Variants in SYT2 observed in about 807,000 individuals in gnomAD.
SYT2 encodes the protein synaptotagmin 2, also known as synaptotagmin-2.
A neutral mutation model predicts 39.9 loss-of-function variants in SYT2; 15 were observed. The observed-to-expected ratio is 0.38, with a 90% CI of 0.25 to 0.58. The LOEUF (loss-of-function observed/expected upper bound fraction) is 0.58, where lower values mean the gene tolerates loss of function less well. SYT2 is among the 20% of genes least tolerant of loss of function. SYT2 has a pLI of 0.70. For synonymous variants in SYT2, 181 were observed against 204.5 expected, an observed-to-expected ratio of 0.89 and a Z score of 0.98; for missense variants, 389 against 530.3, an observed-to-expected ratio of 0.73 and a Z score of 2.62.
intron 1 of SYT2, among the ~76,000 whole-genome samples, chr1:202,616,651 C>G (rs906147416): frequency 1.1e-4 from 16 of 152,230 alleles, no homozygotes; most frequent in African/African-American, 3.4e-4. Context: ...CACAAGGTCA[C>G]TAAACCCAGG....
At chr1:202,662,769 G>A (rs1363932564) in intron 1 of SYT2, among the ~76,000 whole-genome samples, 2 of 152,170 alleles carry the variant, frequency 1.3e-5, no homozygotes, top group African/African-American at 2.4e-5. Flanking sequence ...GGCAAGTCAG[G>A]TAACCTCTCT....
intron 1 of SYT2, chr1:202,639,813 G>A (rs1389539992): frequency 1.0e-6 from 1 of 985,348 alleles, no homozygotes; most frequent in Non-Finnish European, 1.2e-6. Flanking sequence ...AGCAAGAGGA[G>A]GACACAGGAC....
intron 1 of SYT2, among the ~76,000 whole-genome samples, chr1:202,661,906 G>T (rs753612258): frequency 6.6e-6 from 1 of 152,198 alleles, no homozygotes; most frequent in Non-Finnish European, 1.5e-5. Flanking sequence ...TCACTTGTCA[G>T]ACACTTTGAG....
chr1:202,603,001 G>T lies in SYT2; in HGVS notation c.463C>A (p.Gln155Lys). 6.2e-7 allele frequency: 1 copy of T among 1,611,532 alleles called. No individual in the cohort carries two copies. The highest frequency in any genetic ancestry group is 2.2e-5 in the East Asian group (1 of 44,744). The stretch of plus-strand genomic sequence containing the variant: ...TGCCCCCCCACAGCCCTGCATACCT[G>T]ATTAGCCTGAAAATCATAGTCCAGG... ...FSLDYDFQANQLTVGVLQAAE... is the reference protein window; with the variant it reads ...FSLDYDFQANKLTVGVLQAAE... The change falls in exon 4 of 9, where the codon CAG becomes AAG. Residue 155 changes from glutamine (Q) to lysine (K), a missense_variant and splice_region_variant. Coordinates refer to ENST00000367268, the MANE Select transcript of SYT2 (RefSeq NM_177402.5).
intron 3 of SYT2, chr1:202,604,254 G>C: frequency 1.7e-6 from 1 of 601,824 alleles, no homozygotes; most frequent in South Asian, 2.2e-5. Flanking sequence ...ATGAGTTCAT[G>C]CTAACACAGG....
At chr1:202,666,799 T>C (rs373749252) in intron 1 of SYT2, among the ~76,000 whole-genome samples, 1 of 152,220 alleles carries the variant, frequency 6.6e-6, no homozygotes, top group African/African-American at 2.4e-5. Context: ...CTGGCCAGCA[T>C]GGCAAAACCC....
chr1:202,619,954 C>G (rs764231257), intron 1 of SYT2, among the ~76,000 whole-genome samples: 100 of 152,300 alleles, frequency 6.6e-4, no homozygotes, highest in Admixed American at 9.8e-4. Flanking sequence ...TAGTAAGTGA[C>G]CTGCCCAAGG....
intron 1 of SYT2, among the ~76,000 whole-genome samples, chr1:202,698,273 A>AT (rs1428242376): frequency 2.6e-5 from 4 of 152,162 alleles, no homozygotes; most frequent in Non-Finnish European, 4.4e-5. Flanking sequence ...AGTACAGTCA[A>AT]GGTTGGCCAA....
chr1:202,644,731 G>C (rs1815648), intron 1 of SYT2, among the ~76,000 whole-genome samples: 44,126 of 142,728 alleles, frequency 0.31, 6,742 homozygotes, highest in African/African-American at 0.4. Flanking sequence ...ATGTGTGTTG[G>C]GGGGGGCAGT....
chr1:202,672,441 A>T (rs1410355034), intron 1 of SYT2, among the ~76,000 whole-genome samples: 1 of 152,104 alleles, frequency 6.6e-6, no homozygotes, highest in Non-Finnish European at 1.5e-5. Flanking sequence ...CCTTGATCTT[A>T]GACTTCCAGT....
intron 1 of SYT2, among the ~76,000 whole-genome samples, chr1:202,705,889 C>T (rs1654236921): frequency 6.6e-6 from 1 of 152,080 alleles, no homozygotes; most frequent in African/African-American, 2.4e-5. Context: ...GACAGGGTCT[C>T]CATATGTTGC....
intron 1 of SYT2, among the ~76,000 whole-genome samples, chr1:202,666,395 C>T (rs1355610559): frequency 6.6e-6 from 1 of 152,130 alleles, no homozygotes; most frequent in Non-Finnish European, 1.5e-5. Context: ...CAGACCAATA[C>T]CCTACAGAGC....
chr1:202,613,177 C>A (rs1202603000), intron 1 of SYT2, among the ~76,000 whole-genome samples: 1 of 148,992 alleles, frequency 6.7e-6, no homozygotes, highest in Non-Finnish European at 1.5e-5. Context: ...GCCTCCTGGG[C>A]TCAAGCAATT....
At chr1:202,611,518 G>T (rs1419802593) in intron 1 of SYT2, among the ~76,000 whole-genome samples, 1 of 151,782 alleles carries the variant, frequency 6.6e-6, no homozygotes, top group Non-Finnish European at 1.5e-5. Flanking sequence ...ACCATGCCTG[G>T]CTAATTTTTG....
chr1:202,684,437 G>T (rs778217928), intron 1 of SYT2, among the ~76,000 whole-genome samples: 1 of 151,520 alleles, frequency 6.6e-6, no homozygotes, highest in Non-Finnish European at 1.5e-5. Flanking sequence ...TGTCCTCCAG[G>T]TTCATCCATG....
intron 1 of SYT2, among the ~76,000 whole-genome samples, chr1:202,622,072 C>T (rs1265614564): frequency 2.6e-5 from 4 of 152,196 alleles, no homozygotes; most frequent in African/African-American, 9.7e-5. Context: ...TGACTGGATA[C>T]AGCTTACAGT....
intron 1 of SYT2, among the ~76,000 whole-genome samples, chr1:202,706,183 G>A (rs1654245709): frequency 6.6e-6 from 1 of 151,970 alleles, no homozygotes; most frequent in Non-Finnish European, 1.5e-5. Flanking sequence ...AGGATTGCTG[G>A]GACAAATCCT....
Position 202,644,298 on chromosome 1 carries a change from C to T in SYT2, c.-17-38509G>A, listed in dbSNP as rs193087261. Among the ~76,000 whole-genome samples the T allele has an allele frequency of 2.6e-5, 4 of 151,822 alleles. No individual in the cohort carries two copies. In the East Asian group the frequency reaches 7.8e-4, roughly 30 times the overall value. On this transcript the variant is annotated intron_variant, in intron 1 of 8. Transcript: ENST00000367268. ...CCCAGACAGGAACCCAGCAGAAGGG[C>T]TCTGCCACGGACCCGACACCTCCCA...
chr1:202,625,097 T>A, intron 1 of SYT2, among the ~76,000 whole-genome samples: 1 of 118,904 alleles, frequency 8.4e-6, no homozygotes. Context: ...TTGTGTGTGG[T>A]ATGTGTGTGG....
Sources: allele counts gnomAD v4.1 joint callset (sites outside exome capture counted in the v4.1 genomes callset), GRCh38; gene constraint gnomAD v4.1.1; transcripts MANE v1.5; gene names NCBI Gene and HGNC (gene_info 2026-07-23, HGNC 2026-07-21).